Variants in EHBP1 observed in about 807,000 individuals in gnomAD.
EHBP1 encodes the protein EH domain-binding protein 1.
EHBP1 carries 55 observed loss-of-function variants against 144.0 expected under a neutral mutation model. The ratio of observed to expected loss-of-function variants is 0.38; its 90% confidence interval spans 0.31 to 0.48. The LOEUF (loss-of-function observed/expected upper bound fraction) is 0.48. Among genes scored for constraint, EHBP1 ranks in the 20% least tolerant of loss-of-function variants. The probability of loss-of-function intolerance (pLI) is 0.98; values close to 1 mark genes in which losing one functional copy is unlikely to be tolerated. For synonymous variants in EHBP1, 469 were observed against 472.7 expected, an observed-to-expected ratio of 0.99 and a Z score of 0.10; for missense variants, 1,200 against 1,364.2, an observed-to-expected ratio of 0.88 and a Z score of 1.90.
At chr2:62,811,591 A>G (rs548814895) in intron 5 of EHBP1, among the ~76,000 whole-genome samples, 33 of 152,310 alleles carry the variant, frequency 2.2e-4, no homozygotes, top group Admixed American at 8.5e-4. Flanking sequence ...TAGCATGTCA[A>G]ATTATTTTGT....
chr2:62,741,334 G>A (rs564377720), intron 2 of EHBP1, among the ~76,000 whole-genome samples: 25 of 152,210 alleles, frequency 1.6e-4, no homozygotes, highest in Non-Finnish European at 2.9e-4. Flanking sequence ...TTAACACTGC[G>A]CTTTGAACAG....
At chr2:62,828,594 G>A (rs2152631760) in intron 6 of EHBP1, among the ~76,000 whole-genome samples, 2 of 152,186 alleles carry the variant, frequency 1.3e-5, no homozygotes, top group South Asian at 2.1e-4. Flanking sequence ...GGCCCTGTTG[G>A]AAAAACAATA....
intron 19 of EHBP1, among the ~76,000 whole-genome samples, chr2:63,008,185 A>G (rs916371498): frequency 6.6e-6 from 1 of 151,824 alleles, no homozygotes; most frequent in Non-Finnish European, 1.5e-5. Flanking sequence ...AAGCTAAAAC[A>G]TCCAGTGATA....
chr2:62,846,100 A>G (rs1385800241), intron 7 of EHBP1, among the ~76,000 whole-genome samples: 1 of 152,194 alleles, frequency 6.6e-6, no homozygotes, highest in East Asian at 1.9e-4. Context: ...AACACAGACT[A>G]TAAATTCAGC....
intron 13 of EHBP1, among the ~76,000 whole-genome samples, chr2:62,955,075 T>A (rs1313468810): frequency 6.6e-6 from 1 of 152,100 alleles, no homozygotes; most frequent in Non-Finnish European, 1.5e-5. Context: ...TCTCAAGGAT[T>A]TAAAGGATTA....
At chr2:62,856,566 A>G (rs771770844) in intron 7 of EHBP1, among the ~76,000 whole-genome samples, 3 of 152,206 alleles carry the variant, frequency 2.0e-5, no homozygotes, top group Non-Finnish European at 4.4e-5. Context: ...CATGGGATCC[A>G]GGTCAGTAGC....
intron 19 of EHBP1, among the ~76,000 whole-genome samples, chr2:63,031,407 T>C (rs144110509): frequency 1.4e-4 from 21 of 152,350 alleles, no homozygotes; most frequent in African/African-American, 5.1e-4. Context: ...GAATTATGCC[T>C]GTAAAAGTGA....
chr2:62,871,527 A>G (rs1349738834), intron 9 of EHBP1, among the ~76,000 whole-genome samples: 1 of 152,192 alleles, frequency 6.6e-6, no homozygotes, highest in Non-Finnish European at 1.5e-5. Flanking sequence ...TGTTTGTATT[A>G]ATTACTTGTT....
chr2:62,730,932 CAG>C (rs895587184), intron 2 of EHBP1, among the ~76,000 whole-genome samples: 2 of 133,968 alleles, frequency 1.5e-5, no homozygotes, highest in Admixed American at 7.4e-5. Context: ...GAGAGAGAGA[CAG>C]AGATAGAAAG....
intron 10 of EHBP1, among the ~76,000 whole-genome samples, chr2:62,923,356 T>C (rs1027401951): frequency 2.6e-5 from 4 of 152,140 alleles, no homozygotes; most frequent in Non-Finnish European, 5.9e-5. Context: ...CCCATCTTCA[T>C]AGGGGAGAGG....
At chr2:63,004,886 A>C (rs1217908386) in intron 19 of EHBP1, among the ~76,000 whole-genome samples, 1 of 151,974 alleles carries the variant, frequency 6.6e-6, no homozygotes, top group Non-Finnish European at 1.5e-5. Context: ...CCACCCCCTT[A>C]CCCACATTCT....
intron 14 of EHBP1, among the ~76,000 whole-genome samples, chr2:62,967,541 T>C (rs946953883): frequency 1.1e-4 from 16 of 152,206 alleles, no homozygotes; most frequent in Non-Finnish European, 2.4e-4. Context: ...ATTTTTTTCT[T>C]TTTAAAAAGG....
chr2:62,945,583 C>T (rs57938651), intron 12 of EHBP1, among the ~76,000 whole-genome samples: 1 of 152,096 alleles, frequency 6.6e-6, no homozygotes, highest in African/African-American at 2.4e-5. Context: ...GACCCCATCT[C>T]TACAAAAAAT....
chr2:62,746,359 G>A (rs2039152079), intron 2 of EHBP1, among the ~76,000 whole-genome samples: 2 of 151,970 alleles, frequency 1.3e-5, no homozygotes. Context: ...TGAGTGAGGA[G>A]TTTAAGGCTG....
chr2:62,784,131 G>T (rs1196587853), intron 5 of EHBP1, among the ~76,000 whole-genome samples: 1 of 152,162 alleles, frequency 6.6e-6, no homozygotes, highest in Admixed American at 6.5e-5. Flanking sequence ...CAAATGACAT[G>T]AAATGGATAT....
intron 1 of EHBP1, among the ~76,000 whole-genome samples, chr2:62,684,597 C>G (rs1194195739): frequency 2.6e-5 from 4 of 152,158 alleles, no homozygotes; most frequent in Admixed American, 6.5e-5. Flanking sequence ...CTTGGGGCAA[C>G]CCCTTTTGCC....
At chr2:62,906,516 A>G (rs752990423) in intron 10 of EHBP1, among the ~76,000 whole-genome samples, 3 of 152,226 alleles carry the variant, frequency 2.0e-5, no homozygotes, top group Non-Finnish European at 2.9e-5. Context: ...AGTATTACAC[A>G]CCTTTTATCC....
At chr2:62,823,705 G>A (rs2046149774) in intron 5 of EHBP1, among the ~76,000 whole-genome samples, 1 of 152,082 alleles carries the variant, frequency 6.6e-6, no homozygotes, top group African/African-American at 2.4e-5. Flanking sequence ...TTCTTAAAAT[G>A]TATTTTCTGA....
intron 7 of EHBP1, among the ~76,000 whole-genome samples, chr2:62,834,280 C>T (rs2047047067): frequency 6.6e-6 from 1 of 152,188 alleles, no homozygotes; most frequent in Non-Finnish European, 1.5e-5. Flanking sequence ...GCTCTACTGT[C>T]AGTAAAATGT....
Sources: gnomAD v4.1 joint callset for allele counts (sites outside exome capture counted in the v4.1 genomes callset) on GRCh38, gnomAD v4.1.1 for gene constraint, MANE v1.5 for transcripts, NCBI Gene and HGNC (gene_info 2026-07-23, HGNC 2026-07-21) for gene names.